Variants in FHIT observed in about 807,000 individuals in gnomAD.
The protein encoded by FHIT is bis(5'-adenosyl)-triphosphatase.
FHIT carries 19 observed loss-of-function variants against 17.9 expected under a neutral mutation model. That is an observed-to-expected ratio of 1.06 (90% CI 0.74 to 1.56). The LOEUF is 1.56. Among genes scored for constraint, FHIT ranks in the 40% most tolerant of loss-of-function variants. The pLI is 0.00. For synonymous variants in FHIT, 81 were observed against 69.7 expected (o/e 1.16, Z -0.81); for missense variants, 248 against 189.2 (o/e 1.31, Z -1.82).
At chr3:60,818,885 T>C (rs1701825423) in intron 4 of FHIT, among the ~76,000 whole-genome samples, 1 of 152,176 alleles carries the variant, frequency 6.6e-6, no homozygotes. Flanking sequence ...AATTTTAGCC[T>C]GTTCTCACTC....
chr3:61,045,519 G>C (rs2033739599), intron 2 of FHIT, among the ~76,000 whole-genome samples: 1 of 152,080 alleles, frequency 6.6e-6, no homozygotes, highest in Non-Finnish European at 1.5e-5. Context: ...AAGAGACTTA[G>C]ACTCCCACAC....
At chr3:60,766,300 T>C (rs1222602588) in intron 4 of FHIT, among the ~76,000 whole-genome samples, 2 of 152,158 alleles carry the variant, frequency 1.3e-5, no homozygotes, top group Non-Finnish European at 2.9e-5. Context: ...CTTCATGTGG[T>C]TGGCAGCTGA....
At chr3:59,816,772 T>C (rs936977751) in intron 8 of FHIT, among the ~76,000 whole-genome samples, 5 of 152,234 alleles carry the variant, frequency 3.3e-5, no homozygotes, top group Non-Finnish European at 5.9e-5. Context: ...TCTTGAACCA[T>C]ACTCCCTGTT....
intron 5 of FHIT, among the ~76,000 whole-genome samples, chr3:60,380,713 A>C (rs1700763497): frequency 6.6e-6 from 1 of 152,146 alleles, no homozygotes; most frequent in Non-Finnish European, 1.5e-5. Context: ...TTAAAAATGC[A>C]AGCCAAATAT....
chr3:60,628,006 T>C (rs1553681471), intron 4 of FHIT, among the ~76,000 whole-genome samples: 1 of 152,226 alleles, frequency 6.6e-6, no homozygotes, highest in Non-Finnish European at 1.5e-5. Flanking sequence ...TTCTGCTTTG[T>C]GTGGTTTACT....
chr3:60,264,644 T>C (rs1278147463), intron 5 of FHIT, among the ~76,000 whole-genome samples: 1 of 151,942 alleles, frequency 6.6e-6, no homozygotes, highest in Non-Finnish European at 1.5e-5. Flanking sequence ...TTAGAAGTCC[T>C]TCGAAAGCCT....
chr3:60,904,483 A>G (rs1706290485), intron 3 of FHIT, among the ~76,000 whole-genome samples: 1 of 151,222 alleles, frequency 6.6e-6, no homozygotes, highest in Admixed American at 6.6e-5. Flanking sequence ...CCAAATGCAA[A>G]AAAAAAAAGA....
At chr3:60,641,709 A>G (rs1165628239) in intron 4 of FHIT, among the ~76,000 whole-genome samples, 2 of 152,120 alleles carry the variant, frequency 1.3e-5, no homozygotes, top group Admixed American at 6.6e-5. Context: ...AGTTATCTCC[A>G]TCTGAAGCCT....
At chr3:61,176,084 T>C (rs1275189392) in intron 2 of FHIT, among the ~76,000 whole-genome samples, 1 of 152,252 alleles carries the variant, frequency 6.6e-6, no homozygotes, top group East Asian at 1.9e-4. Flanking sequence ...AGATAACTGA[T>C]GAACATACAG....
chr3:60,750,972 T>G (rs1157823981), intron 4 of FHIT, among the ~76,000 whole-genome samples: 3 of 152,156 alleles, frequency 2.0e-5, no homozygotes, highest in African/African-American at 7.2e-5. Flanking sequence ...TGTTCCCAAG[T>G]GCAACTCCCA....
intron 4 of FHIT, among the ~76,000 whole-genome samples, chr3:60,607,773 TATATACAC>T (rs1287629407): frequency 7.2e-5 from 11 of 152,270 alleles, no homozygotes; most frequent in African/African-American, 2.6e-4. Context: ...TACATATACA[TATATACAC>T]ACATATACAT....
chr3:60,869,867 A>G (rs1704328619), intron 3 of FHIT, among the ~76,000 whole-genome samples: 1 of 152,202 alleles, frequency 6.6e-6, no homozygotes, highest in Middle Eastern at 3.4e-3. Flanking sequence ...TCTGACACCA[A>G]CGAAGAGGAA....
intron 2 of FHIT, among the ~76,000 whole-genome samples, chr3:61,131,645 C>A (rs1413621279): frequency 6.6e-6 from 1 of 152,230 alleles, no homozygotes; most frequent in East Asian, 1.9e-4. Context: ...CTGCCATTTG[C>A]CTGTCATTTG....
chr3:60,465,617 G>A (rs2032745714), intron 5 of FHIT, among the ~76,000 whole-genome samples: 2 of 152,092 alleles, frequency 1.3e-5, no homozygotes, highest in Non-Finnish European at 2.9e-5. Flanking sequence ...TAGATATTCA[G>A]TTTTCCCAGC....
chr3:60,581,822 A>G (rs2037757112), intron 4 of FHIT, among the ~76,000 whole-genome samples: 1 of 152,064 alleles, frequency 6.6e-6, no homozygotes. Flanking sequence ...AGAAGTATCA[A>G]AGATTCTTTT....
At chr3:60,821,592 G>T (rs782039870) in intron 4 of FHIT, among the ~76,000 whole-genome samples, 2 of 152,100 alleles carry the variant, frequency 1.3e-5, no homozygotes, top group South Asian at 2.1e-4. Flanking sequence ...TGTAACTGCT[G>T]GGGGGAGGAT....
At chr3:59,926,526 C>T (rs941711422) in intron 7 of FHIT, among the ~76,000 whole-genome samples, 1 of 152,138 alleles carries the variant, frequency 6.6e-6, no homozygotes, top group African/African-American at 2.4e-5. Flanking sequence ...CTGGGCCACT[C>T]TAACGTTTGA....
At chr3:60,227,530 T>C (rs893494073) in intron 5 of FHIT, among the ~76,000 whole-genome samples, 1 of 152,160 alleles carries the variant, frequency 6.6e-6, no homozygotes, top group Non-Finnish European at 1.5e-5. Context: ...GACACCTGTA[T>C]TTTTTTCACC....
chr3:60,063,978 G>A (rs1702397420), intron 5 of FHIT, among the ~76,000 whole-genome samples: 1 of 152,172 alleles, frequency 6.6e-6, no homozygotes, highest in Non-Finnish European at 1.5e-5. Context: ...TATATAATAT[G>A]CCATTTAAGT....
Sources: gnomAD v4.1 joint callset for allele counts (sites outside exome capture counted in the v4.1 genomes callset) on GRCh38, gnomAD v4.1.1 for gene constraint, MANE v1.5 for transcripts, NCBI Gene and HGNC (gene_info 2026-07-23, HGNC 2026-07-21) for gene names.